The following ZWILCH variants were observed in gnomAD, a reference collection of about 807,000 sequenced individuals.
ZWILCH encodes the protein protein zwilch homolog.
In ZWILCH, 74 loss-of-function variants were observed where a neutral mutation model predicts 79.9. The observed-to-expected ratio is 0.93, with a 90% CI of 0.77 to 1.12. ZWILCH has a LOEUF of 1.12. Among genes scored for constraint, ZWILCH ranks in the 50% most tolerant of loss-of-function variants. The probability of loss-of-function intolerance (pLI) is 0.00; values close to 1 mark genes in which losing one functional copy is unlikely to be tolerated. For missense variants in ZWILCH, 694 were observed against 687.5 expected (o/e 1.01, Z -0.11); for synonymous variants, 241 against 228.2 (o/e 1.06, Z -0.51).
At chr15:66,508,678 C>T (rs1209987043) in intron 1 of ZWILCH, 163 bp from the exon 2 acceptor site, 6 of 1,345,966 alleles carry the variant, frequency 4.5e-6, no homozygotes, top group Admixed American at 3.2e-5. Flanking sequence ...TTCTTTTCTG[C>T]TTTTTTTCTC....
At chr15:66,520,099 C>T (rs757526353) in intron 5 of ZWILCH, among the ~76,000 whole-genome samples, 4 of 151,984 alleles carry the variant, frequency 2.6e-5, no homozygotes, top group Admixed American at 6.6e-5. Flanking sequence ...AGTGCTGCTG[C>T]GCCTGGCTGT....
intron 7 of ZWILCH, among the ~76,000 whole-genome samples, chr15:66,522,805 C>T (rs1402835352): frequency 1.3e-5 from 2 of 152,048 alleles, no homozygotes; most frequent in Non-Finnish European, 1.5e-5. Flanking sequence ...GTGGTTCCTT[C>T]AGAGTGGCAA....
In ZWILCH at chr15:66,536,056, T is replaced by C; in HGVS notation, c.1465T>C (p.Phe489Leu). The change falls in exon 15 of 19, where the codon TTT (phenylalanine) becomes CTT (leucine). Residue 489 changes from phenylalanine (F) to leucine (L), a missense_variant. By Grantham distance (22) the Phe-to-Leu change is conservative (BLOSUM62 0). Coordinates refer to ENST00000307897, the MANE Select transcript of ZWILCH (RefSeq NM_017975.5). ...CATTAAATCTCAACATGAACTCCTCTTTTCTTTAACACAGTAAGTACATCT... is the reference window on the plus strand; with the variant it reads ...CATTAAATCTCAACATGAACTCCTCCTTTCTTTAACACAGTAAGTACATCT... ...PFIKSQHELLFSLTQICIKYY... is the reference protein window; with the variant it reads ...PFIKSQHELLLSLTQICIKYY... 6.2e-7 allele frequency: 1 copy of C among 1,606,522 alleles called. No homozygotes were observed. Among genetic ancestry groups the C allele is most frequent in the Non-Finnish European group, 8.5e-7 (1 of 1,177,550 alleles).
chr15:66,507,709 A>G (rs1467122985), intron 1 of ZWILCH, among the ~76,000 whole-genome samples: 1 of 152,128 alleles, frequency 6.6e-6, no homozygotes, highest in African/African-American at 2.4e-5. Flanking sequence ...TCTATTAAAC[A>G]TGCTGGAGAC....
Position 66,517,919 on chromosome 15 carries a change from G to A in ZWILCH, c.321-960G>A, listed in dbSNP as rs1225179893. 5.9e-5 allele frequency among the ~76,000 whole-genome samples: 9 copies of A among 151,686 alleles called. No individual in the cohort carries two copies. The East Asian group carries it at 1.6e-3, about 26-fold the overall frequency. ...GGCTAATTTTTGTATTTTTAGTAGA[G>A]ACGGGGTTTCACCATGTTGGTCAGG... On this transcript the variant is annotated intron_variant, in intron 4 of 18. Transcript: ENST00000307897.
At chr15:66,508,153 G>A (rs1357264348) in intron 1 of ZWILCH, among the ~76,000 whole-genome samples, 10 of 152,152 alleles carry the variant, frequency 6.6e-5, no homozygotes, top group Non-Finnish European at 1.5e-4. Context: ...TTCCTTCAAT[G>A]ACTAAAGATT....
chr15:66,509,822 CATATATATATATATATATATAT>C (rs201725734), intron 2 of ZWILCH, among the ~76,000 whole-genome samples: 10,313 of 88,928 alleles, frequency 0.12, 789 homozygotes, highest in East Asian at 0.37. Context: ...TGTGTGGCTA[CATATATATATATATATATATAT>C]ATATATATAT....
At chr15:66,546,775 T>G in intron 18 of ZWILCH, 70 bp downstream of exon 18, 2 of 740,786 alleles carry the variant, frequency 2.7e-6, no homozygotes, top group Non-Finnish European at 4.1e-6. Context: ...TAGTTCTTTC[T>G]ACATTATCAA....
At chr15:66,546,041 G>T (rs924400134) in intron 17 of ZWILCH, among the ~76,000 whole-genome samples, 1 of 152,288 alleles carries the variant, frequency 6.6e-6, no homozygotes, top group East Asian at 1.9e-4. Context: ...GAGAAAACGT[G>T]ACCAGTGGAG....
At chr15:66,513,446 G>GTTCC (rs1226320836) in intron 2 of ZWILCH, among the ~76,000 whole-genome samples, 1 of 151,966 alleles carries the variant, frequency 6.6e-6, no homozygotes, top group East Asian at 2.0e-4. Context: ...CACACCTGAA[G>GTTCC]TTCCAGCTAC....
chr15:66,505,519 G>A, intron 1 of ZWILCH, 128 bp downstream of exon 1: 3 of 1,125,620 alleles, frequency 2.7e-6, no homozygotes, highest in Non-Finnish European at 3.9e-6. Context: ...TGGGGTCCAG[G>A]AGTTGGGGAG....
At chr15:66,538,281 C>T (rs1895076694) in intron 16 of ZWILCH, among the ~76,000 whole-genome samples, 1 of 152,188 alleles carries the variant, frequency 6.6e-6, no homozygotes, top group Non-Finnish European at 1.5e-5. Flanking sequence ...CACCAATGAC[C>T]TTCTAATTGT....
rs1362894453 is a variant in ZWILCH, at chr15:66,505,330, T to G, written c.-9T>G. On this transcript the variant is annotated 5_prime_UTR_variant, in exon 1 of 19. It adds an upstream start codon to the 5' untranslated region. Transcript: ENST00000307897. ...GGCGGTTCCGGTACCGCTCTCACAT[T>G]GGGGCGGGATGTGGGAGCGGCTGAA... The G allele has an allele frequency of 6.2e-7, 1 of 1,613,692 alleles. No individual in the cohort carries two copies. Among genetic ancestry groups the G allele is most frequent in the Admixed American group, 1.7e-5 (1 of 59,988 alleles).
chr15:66,547,229 G>A (rs1338429839), intron 18 of ZWILCH: 2 of 107,436 alleles, frequency 1.9e-5, no homozygotes, highest in Admixed American at 1.4e-4. Context: ...ACACAGTCCC[G>A]CTCTGTCACC....
At chr15:66,515,687 T>A in intron 4 of ZWILCH, 43 bp downstream of exon 4, 1 of 1,318,332 alleles carries the variant, frequency 7.6e-7, no homozygotes, top group Non-Finnish European at 1.1e-6. Flanking sequence ...AACTAGGATT[T>A]AAATTGAAAC....
intron 10 of ZWILCH, 107 bp from the exon 11 acceptor site, chr15:66,528,745 T>G: frequency 1.2e-6 from 1 of 853,532 alleles, no homozygotes; most frequent in Non-Finnish European, 1.9e-6. Context: ...GTTCATATCT[T>G]TGTGTGTGTT....
rs776171150 is a variant in ZWILCH at position 66,508,907 on chromosome 15, G to T, written c.105+15G>T. 15 of 1,612,484 alleles carry T rather than the reference G, an allele frequency of 9.3e-6. No homozygotes were observed. The highest frequency in any genetic ancestry group is 1.3e-5 in the Non-Finnish European group (15 of 1,179,250). On this transcript the variant is annotated intron_variant, in intron 2 of 18. Coordinates refer to ENST00000307897, the MANE Select transcript of ZWILCH (RefSeq NM_017975.5). Reference sequence around the variant, plus strand: ...TTCTCTATGAGGTATGAACAATTTGGTTTTTAAACACAACTCTAATCCTAA... The same window carrying T: ...TTCTCTATGAGGTATGAACAATTTGTTTTTTAAACACAACTCTAATCCTAA...
chr15:66,522,749 A>T (rs1894542154), intron 7 of ZWILCH, among the ~76,000 whole-genome samples: 1 of 152,240 alleles, frequency 6.6e-6, no homozygotes, highest in African/African-American at 2.4e-5. Context: ...GATCTCAACT[A>T]TATTGTTTAA....
chr15:66,509,534 A>G (rs1893951321), intron 2 of ZWILCH, among the ~76,000 whole-genome samples: 1 of 152,092 alleles, frequency 6.6e-6, no homozygotes, highest in South Asian at 2.1e-4. Flanking sequence ...ATTCCATTGT[A>G]TGGATGTACC....
Sources: gnomAD v4.1 joint callset for allele counts (sites outside exome capture counted in the v4.1 genomes callset) on GRCh38, gnomAD v4.1.1 for gene constraint, MANE v1.5 for transcripts, NCBI Gene and HGNC (gene_info 2026-07-23, HGNC 2026-07-21) for gene names.